The following GSAP variants were observed in gnomAD, a reference collection of about 807,000 sequenced individuals.
GSAP encodes the protein gamma-secretase activating protein, also known as gamma-secretase-activating protein.
Under a neutral mutation model 131.7 loss-of-function variants are expected in GSAP, and 118 were observed. That is an observed-to-expected ratio of 0.90 (90% CI 0.77 to 1.04). GSAP has a LOEUF of 1.04. Among genes scored for constraint, GSAP ranks in the 50% least tolerant of loss-of-function variants. The probability of loss-of-function intolerance (pLI) is 0.00; values close to 1 mark genes in which losing one functional copy is unlikely to be tolerated. For missense variants in GSAP, 1,019 were observed against 1,013.2 expected, an observed-to-expected ratio of 1.01 and a Z score of -0.08; for synonymous variants, 381 against 363.4, an observed-to-expected ratio of 1.05 and a Z score of -0.55.
At chr7:77,414,295 T>C (rs921475014) in intron 1 of GSAP, among the ~76,000 whole-genome samples, 1 of 152,256 alleles carries the variant, frequency 6.6e-6, no homozygotes, top group Non-Finnish European at 1.5e-5. Context: ...TTTCCACAAA[T>C]GTGTGTTGTA....
chr7:77,355,621 C>G lies in GSAP; in HGVS notation c.1054G>C (p.Gly352Arg). The G allele has an allele frequency of 6.2e-7, 1 of 1,603,042 alleles. No homozygotes were observed. The highest frequency in any genetic ancestry group is 1.7e-5 in the Admixed American group (1 of 59,956). Residue 352 changes from glycine to arginine, a missense_variant, in exon 15 of 31, where the codon GGT (glycine) becomes CGT (arginine). Transcript: ENST00000257626. ...ACATTAAGTAGGTGGAAGAAATGAC[C>G]AGGTAAGTAAACAGCCACATAATAG... The part of the protein sequence containing the change: ...LDYYVAVYLP[G>R]HFFHLLNVQH...
chr7:77,323,814 C>A, intron 23 of GSAP, 72 bp from the exon 24 acceptor site: 1 of 615,922 alleles, frequency 1.6e-6, no homozygotes, highest in South Asian at 2.0e-5. Context: ...GAATTAGATC[C>A]ACTTATTAAC....
At chr7:77,375,336 G>T (rs991512928) in intron 10 of GSAP, among the ~76,000 whole-genome samples, 1 of 152,122 alleles carries the variant, frequency 6.6e-6, no homozygotes, top group East Asian at 1.9e-4. Context: ...TTCTTAAAGG[G>T]CTAATGCTTG....
At chr7:77,346,759 T>C (rs1279282268) in intron 19 of GSAP, among the ~76,000 whole-genome samples, 2 of 151,910 alleles carry the variant, frequency 1.3e-5, no homozygotes, top group African/African-American at 2.4e-5. Context: ...GTGTTTTGTA[T>C]GTATTAATTT....
At chr7:77,380,982 G>A (rs1323401587) in intron 8 of GSAP, among the ~76,000 whole-genome samples, 3 of 152,080 alleles carry the variant, frequency 2.0e-5, no homozygotes, top group South Asian at 2.1e-4. Flanking sequence ...ATTCTACTTT[G>A]GTAAAAACAA....
intron 18 of GSAP, chr7:77,351,801 T>G: frequency 1.3e-6 from 1 of 791,694 alleles, no homozygotes; most frequent in Middle Eastern, 6.5e-4. Flanking sequence ...TGGTCCCAGC[T>G]GCCTCCTGGA....
chr7:77,332,617 G>A (rs115378166), intron 19 of GSAP, among the ~76,000 whole-genome samples: 1,853 of 152,010 alleles, frequency 0.012, 36 homozygotes, highest in African/African-American at 0.043. Flanking sequence ...AGAAATCCAT[G>A]GCCTAAAATA....
intron 19 of GSAP, among the ~76,000 whole-genome samples, chr7:77,339,344 T>TTA (rs1240058332): frequency 6.6e-6 from 1 of 152,108 alleles, no homozygotes; most frequent in Admixed American, 6.5e-5. Flanking sequence ...AATCTCCTGA[T>TTA]TAGAGTCTCC....
intron 19 of GSAP, among the ~76,000 whole-genome samples, chr7:77,344,496 G>A (rs113255810): frequency 4.1e-4 from 63 of 152,158 alleles, no homozygotes; most frequent in Non-Finnish European, 8.4e-4. Context: ...AGCCCAACTT[G>A]GACTGCACCC....
At chr7:77,311,618 A>T in intron 30 of GSAP, 169 bp from the exon 31 acceptor site, 1 of 593,368 alleles carries the variant, frequency 1.7e-6, no homozygotes, top group Non-Finnish European at 3.0e-6. Flanking sequence ...ATTTGCATCA[A>T]CCAAATGGGC....
chr7:77,404,068 T>C (rs1040373054), intron 3 of GSAP, among the ~76,000 whole-genome samples: 1 of 152,216 alleles, frequency 6.6e-6, no homozygotes, highest in Admixed American at 6.5e-5. Flanking sequence ...ACTGGAGTTA[T>C]TCTGTCATAC....
At chr7:77,336,095 T>TTGC (rs1789935507) in intron 19 of GSAP, among the ~76,000 whole-genome samples, 1 of 152,214 alleles carries the variant, frequency 6.6e-6, no homozygotes, top group African/African-American at 2.4e-5. Flanking sequence ...ATAATTGGAC[T>TTGC]TGCTCCTTCT....
chr7:77,357,423 A>G (rs939680447), intron 14 of GSAP, among the ~76,000 whole-genome samples: 12 of 152,176 alleles, frequency 7.9e-5, no homozygotes, highest in Non-Finnish European at 1.8e-4. Flanking sequence ...GGTAGGCACA[A>G]AAGTCCTTAT....
At chr7:77,314,622 A>G in intron 26 of GSAP, 133 bp from the exon 27 acceptor site, 1 of 922,512 alleles carries the variant, frequency 1.1e-6, no homozygotes, top group Non-Finnish European at 1.6e-6. Flanking sequence ...TTTCTTGAAA[A>G]CAAGGTCCAA....
At position 77,406,129 on chromosome 7, in the gene GSAP, T is replaced by C. The variant is rs746295611; in HGVS notation, c.110-24A>G. 13 of 1,210,896 alleles carry C rather than the reference T, an allele frequency of 1.1e-5. No individual in the cohort carries two copies. In the Middle Eastern group the frequency reaches 1.3e-3, roughly 120 times the overall value. 75.0% of individuals were successfully genotyped at this position (1,210,896 alleles called of 1,614,324 possible). A position where few individuals can be genotyped will look rare whatever the true frequency, so the allele number is the denominator to read the frequency against. Reference sequence around the variant, plus strand: ...ATCTGAAATGATAATAGGAGGTTAATACTCAGCAGAAGATGGTTAAAAACA... The same window carrying C: ...ATCTGAAATGATAATAGGAGGTTAACACTCAGCAGAAGATGGTTAAAAACA... On this transcript the variant is annotated intron_variant, in intron 1 of 30. Coordinates refer to ENST00000257626, the MANE Select transcript of GSAP (RefSeq NM_017439.4).
At chr7:77,398,249 A>G (rs1800759618) in intron 3 of GSAP, among the ~76,000 whole-genome samples, 1 of 152,186 alleles carries the variant, frequency 6.6e-6, no homozygotes, top group Non-Finnish European at 1.5e-5. Flanking sequence ...GCACACTAAA[A>G]AAGTATCGAA....
intron 12 of GSAP, among the ~76,000 whole-genome samples, chr7:77,371,445 T>C (rs1366199445): frequency 6.6e-6 from 1 of 151,372 alleles, no homozygotes; most frequent in South Asian, 2.1e-4. Context: ...TTTTTTTTTT[T>C]TTTTTTTAAG....
At chr7:77,390,066 G>A (rs1563097933) in intron 5 of GSAP, among the ~76,000 whole-genome samples, 1 of 152,152 alleles carries the variant, frequency 6.6e-6, no homozygotes, top group Non-Finnish European at 1.5e-5. Context: ...GTGTTTTTTG[G>A]CTGAATAAAT....
chr7:77,376,789 A>AAC, intron 10 of GSAP, 59 bp downstream of exon 10: 1 of 695,302 alleles, frequency 1.4e-6, no homozygotes, highest in East Asian at 7.0e-5. Flanking sequence ...AAAAAAAAAA[A>AAC]AAAAAAGAGA....
Sources: allele counts gnomAD v4.1 joint callset (sites outside exome capture counted in the v4.1 genomes callset), GRCh38; gene constraint gnomAD v4.1.1; transcripts MANE v1.5; gene names NCBI Gene and HGNC (gene_info 2026-07-23, HGNC 2026-07-21).